The following NAALADL2 variants were observed in gnomAD, a reference collection of about 807,000 sequenced individuals.
The protein encoded by NAALADL2 is N-acetylated alpha-linked acidic dipeptidase like 2, also known as inactive N-acetylated-alpha-linked acidic dipeptidase-like protein 2.
A neutral mutation model predicts 87.2 loss-of-function variants in NAALADL2; 76 were observed. The ratio of observed to expected loss-of-function variants is 0.87; its 90% CI spans 0.72 to 1.05. The LOEUF is 1.05. NAALADL2 is among the 50% of genes least tolerant of loss of function. The probability of loss-of-function intolerance (pLI) is 0.00; values close to 1 mark genes in which losing one functional copy is unlikely to be tolerated. For synonymous variants in NAALADL2, 354 were observed against 331.0 expected (o/e 1.07, Z -0.75); for missense variants, 1,089 against 945.8 (o/e 1.15, Z -1.99).
At chr3:175,287,225 A>C (rs1286964952) in intron 4 of NAALADL2, among the ~76,000 whole-genome samples, 1 of 152,206 alleles carries the variant, frequency 6.6e-6, no homozygotes, top group Non-Finnish European at 1.5e-5. Context: ...AATTAATTCA[A>C]AGAAGCTTAA....
At position 175,701,548 on chromosome 3, in the gene NAALADL2, C is replaced by T. The variant is rs559379082; in HGVS notation, c.1897-35758C>T. On this transcript the variant is annotated intron_variant, in intron 11 of 13. Transcript: ENST00000454872. ...AAATGGCATGCCTTCCGTTAATTAT[C>T]GCACTTGTGGGCACAGGAGTGAAAA... is the stretch of plus-strand genomic sequence containing the variant. Among the ~76,000 whole-genome samples the T allele has an allele frequency of 3.9e-5, 6 of 152,114 alleles. 1 individual carries two copies. Among genetic ancestry groups the T allele is most frequent in the East Asian group, 3.9e-4 (2 of 5,144 alleles).
chr3:174,561,190 T>G (rs1263089836), intron 2 of NAALADL2, among the ~76,000 whole-genome samples: 1 of 146,332 alleles, frequency 6.8e-6, no homozygotes, highest in Non-Finnish European at 1.5e-5. Context: ...CTAAACTGAC[T>G]AATAGGATTC....
chr3:174,620,313 A>G (rs1242104297), intron 2 of NAALADL2, among the ~76,000 whole-genome samples: 3 of 152,044 alleles, frequency 2.0e-5, no homozygotes, highest in African/African-American at 7.2e-5. Context: ...ATGGGCACTG[A>G]GTCACCCGAT....
chr3:175,567,913 G>A (rs1422824500), intron 9 of NAALADL2, among the ~76,000 whole-genome samples: 1 of 151,676 alleles, frequency 6.6e-6, no homozygotes, highest in Non-Finnish European at 1.5e-5. Context: ...ACACAGTTTC[G>A]CCATGTTGGC....
chr3:174,719,476 TTA>T (rs1167476314), intron 2 of NAALADL2, among the ~76,000 whole-genome samples: 1 of 152,214 alleles, frequency 6.6e-6, no homozygotes, highest in Non-Finnish European at 1.5e-5. Flanking sequence ...TCATGGATTC[TTA>T]TGTTTTCTAT....
intron 3 of NAALADL2, among the ~76,000 whole-genome samples, chr3:174,819,462 G>GTAACATAGAGGTA (rs1721191900): frequency 2.0e-5 from 3 of 151,986 alleles, no homozygotes; most frequent in Non-Finnish European, 4.4e-5. Context: ...TAAATACGAT[G>GTAACATAGAGGTA]TAACATAGAG....
intron 2 of NAALADL2, among the ~76,000 whole-genome samples, chr3:174,607,002 G>GGCC (rs1361429325): frequency 6.6e-6 from 1 of 152,016 alleles, no homozygotes; most frequent in Non-Finnish European, 1.5e-5. Context: ...AGAGAGTGGG[G>GGCC]GCCAATACTC....
chr3:175,632,519 G>A (rs1488094075), intron 11 of NAALADL2, among the ~76,000 whole-genome samples: 2 of 152,000 alleles, frequency 1.3e-5, no homozygotes, highest in African/African-American at 4.8e-5. Context: ...GTAGATAAGA[G>A]TGTGTGAAAA....
intron 13 of NAALADL2, among the ~76,000 whole-genome samples, chr3:175,768,569 A>G (rs1180424637): frequency 6.6e-6 from 1 of 151,920 alleles, no homozygotes; most frequent in Non-Finnish European, 1.5e-5. Context: ...TTGTTTTTTG[A>G]CAAACAAAAG....
In NAALADL2 at chr3:175,300,759, A is replaced by ATT. The variant is rs1350726533; in HGVS notation, c.940-23414_940-23413dup. The stretch of plus-strand genomic sequence containing the variant: ...CTCCTGGATTTATTTATTTATTTTT[A>ATT]TTTATTTATTTATTTATTTATTTAT... On this transcript the variant is annotated intron_variant, in intron 4 of 13. Transcript: ENST00000454872. 5.0e-4 allele frequency among the ~76,000 whole-genome samples: 39 copies of ATT among 78,014 alleles called. No homozygotes were observed. The East Asian group carries it at 8.4e-3, about 17-fold the overall frequency. The allele number at this position is 78,014 out of a possible 152,430, so 51.2% of individuals were successfully genotyped here.
intron 4 of NAALADL2, among the ~76,000 whole-genome samples, chr3:175,263,677 C>T (rs1426178528): frequency 6.6e-6 from 1 of 151,332 alleles, no homozygotes; most frequent in Non-Finnish European, 1.5e-5. Context: ...TCTTGTTTTT[C>T]CTAATTAAAT....
intron 2 of NAALADL2, among the ~76,000 whole-genome samples, chr3:174,576,776 C>T (rs1263901062): frequency 6.6e-6 from 1 of 152,076 alleles, no homozygotes; most frequent in Non-Finnish European, 1.5e-5. Context: ...TGATAGCTTC[C>T]TTCATATTTT....
intron 4 of NAALADL2, among the ~76,000 whole-genome samples, chr3:175,312,591 A>G (rs572167882): frequency 3.3e-5 from 5 of 152,154 alleles, no homozygotes; most frequent in Non-Finnish European, 7.4e-5. Flanking sequence ...TAAAGGATGG[A>G]CGTATAATTG....
At chr3:174,620,371 AT>A (rs1323127040) in intron 2 of NAALADL2, among the ~76,000 whole-genome samples, 1 of 152,040 alleles carries the variant, frequency 6.6e-6, no homozygotes, top group African/African-American at 2.4e-5. Flanking sequence ...TAAAATTTTT[AT>A]GGGAAACACA....
chr3:174,840,469 G>A (rs1264412627), intron 3 of NAALADL2, among the ~76,000 whole-genome samples: 1 of 152,042 alleles, frequency 6.6e-6, no homozygotes, highest in Non-Finnish European at 1.5e-5. Context: ...AAAATATAGG[G>A]AGACTAAAAT....
At chr3:175,310,790 A>G (rs1447870541) in intron 4 of NAALADL2, among the ~76,000 whole-genome samples, 1 of 152,048 alleles carries the variant, frequency 6.6e-6, no homozygotes, top group East Asian at 1.9e-4. Context: ...TTACATATAT[A>G]AGCACTAAAA....
intron 1 of NAALADL2, among the ~76,000 whole-genome samples, chr3:175,031,704 A>G (rs76111967): frequency 0.23 from 35,178 of 151,994 alleles, 4,585 homozygotes; most frequent in African/African-American, 0.35. Context: ...ACTGCTTTCC[A>G]CCATGACTGA....
rs766853784 is a variant in NAALADL2 at position 175,447,360 on chromosome 3, C to G, written c.1222C>G (p.Leu408Val). ...TKNEACSSLE[L>V]PNNEIRVVSM... ...AAATGAAGCGTGTAGCTCTCTAGAG[C>G]TTCCAAATAATGGTAAAGTATTTAA... The change falls in exon 6 of 14, where the codon CTT (leucine) becomes GTT (valine). Residue 408 changes from leucine to valine, a missense_variant. Coordinates refer to ENST00000454872, the MANE Select transcript of NAALADL2 (RefSeq NM_207015.3). 1.3e-6 allele frequency: 2 copies of G among 1,568,930 alleles called. No individual in the cohort carries two copies. Among genetic ancestry groups the G allele is most frequent in the African/African-American group, 2.7e-5 (2 of 73,336 alleles).
intron 2 of NAALADL2, among the ~76,000 whole-genome samples, chr3:174,597,712 G>C (rs529215517): frequency 6.6e-6 from 1 of 152,122 alleles, no homozygotes; most frequent in Non-Finnish European, 1.5e-5. Flanking sequence ...GAATAAAAAG[G>C]GTTCATTGGG....
Sources: allele counts gnomAD v4.1 joint callset (sites outside exome capture counted in the v4.1 genomes callset), GRCh38; gene constraint gnomAD v4.1.1; transcripts MANE v1.5; gene names NCBI Gene and HGNC (gene_info 2026-07-23, HGNC 2026-07-21).